CDKAL1: variants seen among roughly 807,000 people sequenced by gnomAD.
CDKAL1 encodes threonylcarbamoyladenosine tRNA methylthiotransferase.
In CDKAL1, 32 loss-of-function variants were observed where a neutral mutation model predicts 68.2. That is an observed-to-expected ratio of 0.47 (90% CI 0.35 to 0.63). The LOEUF (loss-of-function observed/expected upper bound fraction) is 0.63. CDKAL1 is among the 30% of genes least tolerant of loss of function. The probability of loss-of-function intolerance (pLI) is 0.00; values close to 1 mark genes in which losing one functional copy is unlikely to be tolerated. For missense variants in CDKAL1, 606 were observed against 696.7 expected (o/e 0.87, Z 1.47); for synonymous variants, 234 against 244.3 (o/e 0.96, Z 0.39).
chr6:20,987,684 T>C (rs1230012268), intron 10 of CDKAL1, among the ~76,000 whole-genome samples: 2 of 152,208 alleles, frequency 1.3e-5, no homozygotes, highest in African/African-American at 4.8e-5. Context: ...TCCTAATATT[T>C]ATTGAAAAAT....
At chr6:20,962,617 T>C (rs1765109142) in intron 10 of CDKAL1, among the ~76,000 whole-genome samples, 1 of 152,192 alleles carries the variant, frequency 6.6e-6, no homozygotes, top group Non-Finnish European at 1.5e-5. Flanking sequence ...ATCAAAGCAA[T>C]ACAGATTTTC....
At chr6:20,644,690 C>T (rs192683090) in intron 4 of CDKAL1, among the ~76,000 whole-genome samples, 309 of 142,646 alleles carry the variant, frequency 2.2e-3, no homozygotes, top group Non-Finnish European at 3.7e-3. Flanking sequence ...AAAACAAAAA[C>T]ACAACAAAAA....
At chr6:20,557,281 A>G (rs1394992328) in intron 4 of CDKAL1, among the ~76,000 whole-genome samples, 3 of 152,052 alleles carry the variant, frequency 2.0e-5, no homozygotes, top group African/African-American at 7.2e-5. Flanking sequence ...TGTTGTTAAT[A>G]TCTTAAGGTT....
At chr6:20,820,053 A>G (rs1363841889) in intron 8 of CDKAL1, among the ~76,000 whole-genome samples, 1 of 152,108 alleles carries the variant, frequency 6.6e-6, no homozygotes. Flanking sequence ...TCTCGTGTGT[A>G]ACCTACCAAG....
chr6:20,999,686 AAG>A (rs1554158191), intron 10 of CDKAL1, among the ~76,000 whole-genome samples: 15 of 139,484 alleles, frequency 1.1e-4, no homozygotes, highest in African/African-American at 3.8e-4. Context: ...AAAAAAAAAA[AAG>A]AAAGAAACAG....
chr6:21,045,949 C>G (rs1290743480), intron 11 of CDKAL1, among the ~76,000 whole-genome samples: 2 of 152,160 alleles, frequency 1.3e-5, no homozygotes, highest in Admixed American at 6.6e-5. Flanking sequence ...TCACTGCCCT[C>G]CATCAGTGGG....
chr6:20,890,037 A>G (rs973998600), intron 9 of CDKAL1, among the ~76,000 whole-genome samples: 15 of 152,126 alleles, frequency 9.9e-5, no homozygotes, highest in Admixed American at 8.5e-4. Flanking sequence ...CACATGCATG[A>G]GCTACCGTGC....
At chr6:20,669,343 C>T (rs1201298866) in intron 5 of CDKAL1, among the ~76,000 whole-genome samples, 1 of 152,040 alleles carries the variant, frequency 6.6e-6, no homozygotes, top group South Asian at 2.1e-4. Context: ...CAGAATGAGT[C>T]TCTTTTCTCT....
At chr6:20,766,707 T>G (rs1052277697) in intron 7 of CDKAL1, among the ~76,000 whole-genome samples, 3 of 152,218 alleles carry the variant, frequency 2.0e-5, no homozygotes, top group Admixed American at 2.0e-4. Flanking sequence ...TGAACATCCT[T>G]GCTTTTACAT....
intron 11 of CDKAL1, among the ~76,000 whole-genome samples, chr6:21,037,582 A>T (rs1314785389): frequency 6.6e-6 from 1 of 152,294 alleles, no homozygotes; most frequent in East Asian, 1.9e-4. Context: ...GTGCTGTGGA[A>T]CATGGTGGTG....
chr6:21,132,599 A>G (rs533943608), intron 13 of CDKAL1, among the ~76,000 whole-genome samples: 1 of 152,324 alleles, frequency 6.6e-6, no homozygotes, highest in South Asian at 2.1e-4. Context: ...TATGAGGGTC[A>G]TAATAACATT....
intron 13 of CDKAL1, among the ~76,000 whole-genome samples, chr6:21,125,587 G>A (rs917783102): frequency 3.3e-5 from 5 of 152,280 alleles, no homozygotes; most frequent in Middle Eastern, 3.4e-3. Context: ...CAGGAGAATC[G>A]CTTGAACCCG....
chr6:21,176,787 C>T (rs117894693), intron 13 of CDKAL1, among the ~76,000 whole-genome samples: 1,914 of 151,176 alleles, frequency 0.013, 42 homozygotes, highest in East Asian at 0.092. Flanking sequence ...CTCCGCCACC[C>T]GGCTTCAAGT....
intron 9 of CDKAL1, among the ~76,000 whole-genome samples, chr6:20,918,487 A>G (rs1385911272): frequency 6.6e-6 from 1 of 152,248 alleles, no homozygotes; most frequent in African/African-American, 2.4e-5. Flanking sequence ...GCTATATTCC[A>G]GTAAACAAGT....
chr6:20,905,376 AC>A (rs2150608620), intron 9 of CDKAL1, among the ~76,000 whole-genome samples: 1 of 152,318 alleles, frequency 6.6e-6, no homozygotes, highest in Admixed American at 6.5e-5. Context: ...TGAAAATAGG[AC>A]AATCAAAATT....
chr6:20,690,044 A>G (rs1770800964), intron 5 of CDKAL1, among the ~76,000 whole-genome samples: 1 of 152,212 alleles, frequency 6.6e-6, no homozygotes, highest in South Asian at 2.1e-4. Context: ...AGTCACCTGT[A>G]TCTCCTTGTG....
In CDKAL1 at chr6:20,754,803, T is replaced by A. The variant is rs368259829; in HGVS notation, c.469-3792T>A. ...TACCAAATGGTTTGAATTTTGATGA[T>A]ATCCAATTTATTTTTTCTTTTGTTG... On this transcript the variant is annotated intron_variant, in intron 6 of 15. Transcript: ENST00000274695. Among the ~76,000 whole-genome samples the A allele has an allele frequency of 1.2e-4, 19 of 152,352 alleles. No homozygotes were observed. In the South Asian group the frequency reaches 3.9e-3, roughly 32 times the overall value.
chr6:20,625,169 A>G (rs904229326), intron 4 of CDKAL1, among the ~76,000 whole-genome samples: 1 of 152,092 alleles, frequency 6.6e-6, no homozygotes, highest in African/African-American at 2.4e-5. Flanking sequence ...AGCTCTTTCT[A>G]AGAGTATTCC....
intron 13 of CDKAL1, among the ~76,000 whole-genome samples, chr6:21,161,894 A>G (rs1365256517): frequency 6.6e-6 from 1 of 152,226 alleles, no homozygotes; most frequent in African/African-American, 2.4e-5. Context: ...AAGAAGTTAA[A>G]CTGTGGTGCA....
Sources: gnomAD v4.1 joint callset for allele counts (sites outside exome capture counted in the v4.1 genomes callset) on GRCh38, gnomAD v4.1.1 for gene constraint, MANE v1.5 for transcripts, NCBI Gene and HGNC (gene_info 2026-07-23, HGNC 2026-07-21) for gene names.